The following MTUS2 variants were observed in gnomAD, a reference collection of about 807,000 sequenced individuals.
MTUS2 encodes the protein microtubule associated scaffold protein 2.
A neutral mutation model predicts 114.1 loss-of-function variants in MTUS2; 40 were observed. The ratio of observed to expected loss-of-function variants is 0.35; its 90% CI spans 0.27 to 0.46. The LOEUF is 0.46. Among genes scored for constraint, MTUS2 ranks in the 20% least tolerant of loss-of-function variants. The pLI, the probability that MTUS2 is intolerant of heterozygous loss-of-function variation, is 1.00. For missense variants in MTUS2, 1,679 were observed against 1,705.4 expected (o/e 0.98, Z 0.27); for synonymous variants, 688 against 672.0 (o/e 1.02, Z -0.37).
chr13:28,980,421 G>T (rs1884308257), intron 2 of MTUS2, among the ~76,000 whole-genome samples: 1 of 152,178 alleles, frequency 6.6e-6, no homozygotes, highest in Non-Finnish European at 1.5e-5. Context: ...TAGTTTCTCT[G>T]TATTTTCCCA....
At chr13:28,955,242 C>T (rs619708) in intron 2 of MTUS2, among the ~76,000 whole-genome samples, 100,212 of 151,596 alleles carry the variant, frequency 0.66, 34,009 homozygotes, top group East Asian at 0.81. Context: ...TGAAGTTTTG[C>T]GTAATGCAGC....
chr13:29,131,772 T>A (rs1020045896), intron 5 of MTUS2, among the ~76,000 whole-genome samples: 5 of 152,236 alleles, frequency 3.3e-5, no homozygotes, highest in African/African-American at 1.2e-4. Flanking sequence ...TCTTATTTCA[T>A]CACAAAAGCA....
chr13:29,117,722 G>A (rs796683821), intron 5 of MTUS2, among the ~76,000 whole-genome samples: 6 of 152,278 alleles, frequency 3.9e-5, no homozygotes, highest in South Asian at 2.1e-4. Context: ...ACTCTGTGTG[G>A]CAAGGAGTTG....
chr13:29,504,297 C>A lies in MTUS2; in HGVS notation c.*1091C>A. The A allele has an allele frequency of 4.3e-6, 1 of 232,200 alleles. No individual in the cohort carries two copies. Among genetic ancestry groups the A allele is most frequent in the Non-Finnish European group, 8.5e-6 (1 of 117,178 alleles). 14.4% of individuals were successfully genotyped at this position (232,200 alleles called of 1,614,324 possible). A position where few individuals can be genotyped will look rare whatever the true frequency, so the allele number is the denominator to read the frequency against. On this transcript the variant is annotated 3_prime_UTR_variant, in exon 16 of 16. Coordinates refer to ENST00000612955, the MANE Select transcript of MTUS2 (RefSeq NM_001033602.4). Reference sequence around the variant, plus strand: ...AACTCTTTGAAATAGGACCCTCAGGCCCCCATTTCCTAGCAGCCCCCCTTC... The same window carrying A: ...AACTCTTTGAAATAGGACCCTCAGGACCCCATTTCCTAGCAGCCCCCCTTC...
intron 2 of MTUS2, among the ~76,000 whole-genome samples, chr13:28,884,619 G>A (rs2138150769): frequency 6.6e-6 from 1 of 152,292 alleles, no homozygotes; most frequent in South Asian, 2.1e-4. Context: ...ACACTTGGGA[G>A]CGGGGAACGG....
chr13:29,068,649 A>G (rs1208315424), intron 4 of MTUS2, among the ~76,000 whole-genome samples: 1 of 152,204 alleles, frequency 6.6e-6, no homozygotes, highest in Non-Finnish European at 1.5e-5. Context: ...GTTGAAGTCC[A>G]GGAAGTTTAT....
chr13:29,222,016 A>G (rs1301685910), intron 5 of MTUS2, among the ~76,000 whole-genome samples: 1 of 152,192 alleles, frequency 6.6e-6, no homozygotes, highest in East Asian at 1.9e-4. Context: ...AGGCACCATC[A>G]TAGCACACTA....
intron 8 of MTUS2, among the ~76,000 whole-genome samples, chr13:29,429,371 A>T (rs957268112): frequency 5.3e-5 from 8 of 152,210 alleles, no homozygotes; most frequent in Admixed American, 5.2e-4. Flanking sequence ...TTCACATCAG[A>T]GAAGAAAGCA....
intron 5 of MTUS2, among the ~76,000 whole-genome samples, chr13:29,249,284 C>T (rs1227065908): frequency 6.6e-6 from 1 of 152,172 alleles, no homozygotes; most frequent in African/African-American, 2.4e-5. Flanking sequence ...TCACCGCACC[C>T]AGCCAAAACG....
intron 2 of MTUS2, among the ~76,000 whole-genome samples, chr13:28,930,247 C>T (rs1159990911): frequency 3.9e-5 from 6 of 152,170 alleles, no homozygotes; most frequent in Non-Finnish European, 5.9e-5. Flanking sequence ...GTTATGTTTT[C>T]GCCACTAAAA....
intron 5 of MTUS2, among the ~76,000 whole-genome samples, chr13:29,255,332 G>C (rs1377072592): frequency 6.6e-6 from 1 of 152,146 alleles, no homozygotes; most frequent in Admixed American, 6.5e-5. Flanking sequence ...TGTTAGATGA[G>C]TTTCCACTGG....
intron 5 of MTUS2, among the ~76,000 whole-genome samples, chr13:29,256,070 C>G (rs1204285659): frequency 6.6e-6 from 1 of 152,190 alleles, no homozygotes; most frequent in African/African-American, 2.4e-5. Context: ...AATGTTAGTT[C>G]CTGTTTGTCC....
At chr13:29,326,881 G>A (rs1298252774) in intron 7 of MTUS2, among the ~76,000 whole-genome samples, 2 of 152,144 alleles carry the variant, frequency 1.3e-5, no homozygotes, top group Non-Finnish European at 2.9e-5. Flanking sequence ...TTGGGAAGCT[G>A]AGGCAGGAGT....
At chr13:29,292,189 C>A (rs1005626402) in intron 6 of MTUS2, among the ~76,000 whole-genome samples, 6 of 152,334 alleles carry the variant, frequency 3.9e-5, no homozygotes, top group Non-Finnish European at 7.4e-5. Flanking sequence ...GTTGGAAACA[C>A]TTCTCAGCTG....
chr13:28,949,476 C>T (rs899735763), intron 2 of MTUS2, among the ~76,000 whole-genome samples: 1 of 152,198 alleles, frequency 6.6e-6, no homozygotes, highest in African/African-American at 2.4e-5. Flanking sequence ...TGGTAAAATA[C>T]ACCTAACATT....
chr13:28,933,078 A>G (rs1881701424), intron 2 of MTUS2, among the ~76,000 whole-genome samples: 1 of 151,534 alleles, frequency 6.6e-6, no homozygotes, highest in Non-Finnish European at 1.5e-5. Context: ...CTGTTTACTC[A>G]TTCAATGTAT....
chr13:29,218,011 T>C (rs1041558986), intron 5 of MTUS2, among the ~76,000 whole-genome samples: 3 of 152,054 alleles, frequency 2.0e-5, no homozygotes, highest in Non-Finnish European at 4.4e-5. Flanking sequence ...TCCCAGCTAC[T>C]GAGGCTGAGG....
intron 6 of MTUS2, among the ~76,000 whole-genome samples, chr13:29,322,066 C>T (rs1288404101): frequency 6.6e-6 from 1 of 151,908 alleles, no homozygotes; most frequent in East Asian, 1.9e-4. Flanking sequence ...GAAGTGTTTC[C>T]AAGAGAGATT....
chr13:28,923,658 T>A (rs1881171217), intron 2 of MTUS2, among the ~76,000 whole-genome samples: 1 of 152,176 alleles, frequency 6.6e-6, no homozygotes, highest in Non-Finnish European at 1.5e-5. Flanking sequence ...GTCCAGCTGC[T>A]TGTTGTGTTG....
Sources: allele counts gnomAD v4.1 joint callset (sites outside exome capture counted in the v4.1 genomes callset), GRCh38; gene constraint gnomAD v4.1.1; transcripts MANE v1.5; gene names NCBI Gene and HGNC (gene_info 2026-07-23, HGNC 2026-07-21).